The following RPS6KA2 variants were observed in gnomAD, a reference collection of about 807,000 sequenced individuals.
RPS6KA2 encodes the protein ribosomal protein S6 kinase A2, also known as ribosomal protein S6 kinase alpha-2.
In RPS6KA2, 42 loss-of-function variants were observed where a neutral mutation model predicts 91.8. The ratio of observed to expected loss-of-function variants is 0.46; its 90% CI spans 0.36 to 0.59. The LOEUF (loss-of-function observed/expected upper bound fraction) is 0.59. Among genes scored for constraint, RPS6KA2 ranks in the 20% least tolerant of loss-of-function variants. The pLI, the probability that RPS6KA2 is intolerant of heterozygous loss-of-function variation, is 0.00. For missense variants in RPS6KA2, 798 were observed against 978.5 expected (o/e 0.82, Z 2.46); for synonymous variants, 414 against 393.6 (o/e 1.05, Z -0.61).
intron 6 of RPS6KA2, among the ~76,000 whole-genome samples, chr6:166,502,587 G>A (rs1459200649): frequency 6.6e-6 from 1 of 152,226 alleles, no homozygotes; most frequent in Non-Finnish European, 1.5e-5. Context: ...GCCGCACGAG[G>A]AGGAGGAGTG....
chr6:166,476,747 C>A (rs1780989174), intron 10 of RPS6KA2, among the ~76,000 whole-genome samples: 1 of 152,056 alleles, frequency 6.6e-6, no homozygotes, highest in South Asian at 2.1e-4. Context: ...AGGTGGGAGG[C>A]AATGAAGACG....
intron 8 of RPS6KA2, among the ~76,000 whole-genome samples, chr6:166,492,978 C>T (rs962338216): frequency 6.6e-6 from 1 of 151,524 alleles, no homozygotes; most frequent in African/African-American, 2.4e-5. Flanking sequence ...GTGATCCGCC[C>T]GCCTTGGCCT....
chr6:166,830,320 C>G (rs140617835), intron 2 of RPS6KA2, among the ~76,000 whole-genome samples: 1 of 152,114 alleles, frequency 6.6e-6, no homozygotes, highest in East Asian at 1.9e-4. Context: ...GAAAGTAGAA[C>G]AGTTGCTGTC....
chr6:166,626,734 A>G lies in RPS6KA2; in HGVS notation c.99+187T>C, dbSNP rs145589203. 2.0e-5 allele frequency among the ~76,000 whole-genome samples: 3 copies of G among 152,298 alleles called. No homozygotes were observed. The highest frequency in any genetic ancestry group is 4.4e-5 in the Non-Finnish European group (3 of 68,022). On this transcript the variant is annotated intron_variant, in intron 1 of 20. Transcript: ENST00000265678. This position sits in a 1 kb window ranked among gnomAD's most constrained non-coding sequence, Gnocchi z 4.1. ...CCCGCGAGGACCCACGGACCGCCCA[A>G]TTACTACGGAGTCCCAGCGATAACG...
intron 2 of RPS6KA2, among the ~76,000 whole-genome samples, chr6:166,806,831 AATAC>A (rs1779504558): frequency 1.3e-5 from 2 of 152,216 alleles, no homozygotes; most frequent in African/African-American, 2.4e-5. Flanking sequence ...TTGGACACAA[AATAC>A]ATAAAGATGT....
At position 166,695,821 on chromosome 6, in the gene RPS6KA2, TCTCAC is replaced by T. The variant is rs1159729950; in HGVS notation, c.124-157042_124-157038del. On this transcript the variant is annotated intron_variant, in intron 2 of 21. Coordinates refer to the RPS6KA2 transcript ENST00000503859. ...CTGGATTCTCATAGGAGCACTGGAT[TCTCAC>T]AGGAGCACTGGATTCTCACAGGAGC... Among the ~76,000 whole-genome samples, 127 of 151,630 alleles carry T rather than the reference TCTCAC, an allele frequency of 8.4e-4. 1 individual carries two copies. The highest frequency in any genetic ancestry group is 2.9e-3 in the African/African-American group (120 of 41,080).
At chr6:166,474,161 G>T (rs1330876323) in intron 10 of RPS6KA2, among the ~76,000 whole-genome samples, 1 of 152,070 alleles carries the variant, frequency 6.6e-6, no homozygotes, top group Non-Finnish European at 1.5e-5. Flanking sequence ...GGGCTGCCTG[G>T]TCTTCAGCAA....
chr6:166,798,181 T>A (rs1478480252), intron 2 of RPS6KA2, among the ~76,000 whole-genome samples: 1 of 152,290 alleles, frequency 6.6e-6, no homozygotes, highest in South Asian at 2.1e-4. Context: ...TATTGAACAA[T>A]GGAATTTGCT....
rs990634454 is a variant in RPS6KA2 at position 166,635,982 on chromosome 6, A to G, written c.124-97198T>C. Among the ~76,000 whole-genome samples, 1 of 152,112 alleles carries G rather than the reference A, an allele frequency of 6.6e-6. No individual in the cohort carries two copies. The highest frequency in any genetic ancestry group is 2.4e-5 in the African/African-American group (1 of 41,404). On this transcript the variant is annotated intron_variant, in intron 2 of 21. Transcript: ENST00000503859. This position sits in a 1 kb window ranked among gnomAD's most constrained non-coding sequence, Gnocchi z 4.8. The stretch of plus-strand genomic sequence containing the variant: ...GCCATTCCACATAAATCCAAATCCA[A>G]TCATCCACTTCTCTGCTTATAACTC...
intron 3 of RPS6KA2, among the ~76,000 whole-genome samples, chr6:166,527,957 A>G (rs557449458): frequency 6.6e-5 from 10 of 152,260 alleles, no homozygotes; most frequent in African/African-American, 1.9e-4. Flanking sequence ...CAGATAGTGG[A>G]CATTTGAGCT....
chr6:166,531,579 T>C (rs16899079), intron 2 of RPS6KA2, among the ~76,000 whole-genome samples: 4,030 of 152,282 alleles, frequency 0.026, 172 homozygotes, highest in African/African-American at 0.09. Flanking sequence ...ATGCCAGAAA[T>C]AATACCGCCC....
chr6:166,703,541 G>A (rs1038432772), intron 2 of RPS6KA2, among the ~76,000 whole-genome samples: 1 of 152,230 alleles, frequency 6.6e-6, no homozygotes, highest in African/African-American at 2.4e-5. Flanking sequence ...AGGCAGCTCA[G>A]CAGCGTGTTA....
At chr6:166,747,510 C>T (rs1791057809) in intron 2 of RPS6KA2, among the ~76,000 whole-genome samples, 1 of 152,216 alleles carries the variant, frequency 6.6e-6, no homozygotes, top group South Asian at 2.1e-4. Context: ...GTCTTAGTGA[C>T]ACAAGCCCGA....
chr6:166,767,135 G>C lies in RPS6KA2; in HGVS notation c.123+91065C>G, dbSNP rs1420255434. On this transcript the variant is annotated intron_variant, in intron 2 of 21. Coordinates refer to the RPS6KA2 transcript ENST00000503859. The surrounding 1 kb of genome is among the most constrained non-coding windows in gnomAD (Gnocchi z 4.6). ...CTGTGGGAAAAGCCAGCTCCACCAT[G>C]GAATTTTTGTCTCTGAAAACAGACT... 6.6e-6 allele frequency among the ~76,000 whole-genome samples: 1 copy of C among 152,164 alleles called. No individual in the cohort carries two copies. The highest frequency in any genetic ancestry group is 6.5e-5 in the Admixed American group (1 of 15,286).
intron 2 of RPS6KA2, among the ~76,000 whole-genome samples, chr6:166,649,890 T>A (rs1787794742): frequency 6.6e-6 from 1 of 152,176 alleles, no homozygotes; most frequent in Admixed American, 6.5e-5. Context: ...TACCAGAGGT[T>A]TAAAGGCTCG....
chr6:166,790,713 A>G (rs1157535583), intron 2 of RPS6KA2, among the ~76,000 whole-genome samples: 6 of 152,268 alleles, frequency 3.9e-5, no homozygotes, highest in Non-Finnish European at 5.9e-5. Context: ...AATATTCAAC[A>G]TTCTTAAAGA....
At chr6:166,669,273 G>A (rs1460860425) in intron 2 of RPS6KA2, among the ~76,000 whole-genome samples, 2 of 152,118 alleles carry the variant, frequency 1.3e-5, no homozygotes, top group Admixed American at 1.3e-4. Flanking sequence ...CTTCCCCCGG[G>A]CTGCCTGTCT....
intron 3 of RPS6KA2, among the ~76,000 whole-genome samples, chr6:166,528,400 C>T (rs1196124226): frequency 1.3e-5 from 2 of 151,896 alleles, no homozygotes; most frequent in Non-Finnish European, 2.9e-5. Flanking sequence ...CTTCCTTACA[C>T]CTTATACAAA....
At chr6:166,783,799 C>T (rs1385792169) in intron 2 of RPS6KA2, among the ~76,000 whole-genome samples, 6 of 117,556 alleles carry the variant, frequency 5.1e-5, no homozygotes, top group Middle Eastern at 9.8e-3. Context: ...CATATATACA[C>T]GTGCACAGTT....
Sources: allele counts gnomAD v4.1 joint callset (sites outside exome capture counted in the v4.1 genomes callset), GRCh38; gene constraint gnomAD v4.1.1; non-coding constraint Gnocchi (gnomAD v3.1); transcripts MANE v1.5; gene names NCBI Gene and HGNC (gene_info 2026-07-23, HGNC 2026-07-21).